The following ADAMTS12 variants were observed in gnomAD, a reference collection of about 807,000 sequenced individuals.
ADAMTS12 encodes the protein ADAM metallopeptidase with thrombospondin type 1 motif 12.
A neutral mutation model predicts 167.8 loss-of-function variants in ADAMTS12; 118 were observed. That is an observed-to-expected ratio of 0.70 (90% confidence interval 0.61 to 0.82). The LOEUF (loss-of-function observed/expected upper bound fraction) is 0.82. ADAMTS12 is among the 40% of genes least tolerant of loss of function. The pLI, the probability that ADAMTS12 is intolerant of heterozygous loss-of-function variation, is 0.00. For missense variants in ADAMTS12, 1,916 were observed against 1,998.8 expected, an observed-to-expected ratio of 0.96 and a Z score of 0.79; for synonymous variants, 704 against 716.9, an observed-to-expected ratio of 0.98 and a Z score of 0.29.
intron 2 of ADAMTS12, among the ~76,000 whole-genome samples, chr5:33,812,835 CT>C (rs1481031951): frequency 2.0e-5 from 3 of 152,134 alleles, no homozygotes; most frequent in African/African-American, 7.2e-5. Flanking sequence ...CATGAGCTCT[CT>C]TGTACATACT....
chr5:33,824,063 A>T (rs1288223681), intron 2 of ADAMTS12, among the ~76,000 whole-genome samples: 2 of 152,208 alleles, frequency 1.3e-5, no homozygotes, highest in Non-Finnish European at 2.9e-5. Flanking sequence ...AAATTGTTAA[A>T]GAGTCCCAAG....
At chr5:33,832,680 G>A (rs944234787) in intron 2 of ADAMTS12, among the ~76,000 whole-genome samples, 7 of 152,120 alleles carry the variant, frequency 4.6e-5, no homozygotes, top group Admixed American at 2.0e-4. Context: ...CCCTTGATGC[G>A]GCTTGGTTTG....
chr5:33,597,073 C>A (rs1737926805), intron 16 of ADAMTS12, among the ~76,000 whole-genome samples: 2 of 152,086 alleles, frequency 1.3e-5, no homozygotes, highest in Admixed American at 1.3e-4. Context: ...TCTCAACAAC[C>A]CAATGAAATC....
intron 22 of ADAMTS12, among the ~76,000 whole-genome samples, chr5:33,537,898 A>G (rs1744496352): frequency 6.6e-6 from 1 of 152,216 alleles, no homozygotes; most frequent in African/African-American, 2.4e-5. Context: ...TATAATTATA[A>G]CCATCAAAAC....
chr5:33,649,644 T>C lies in ADAMTS12; in HGVS notation c.1244A>G (p.His415Arg). 4.3e-6 allele frequency: 7 copies of C among 1,614,058 alleles called. No individual in the cohort carries two copies. The highest frequency in any genetic ancestry group is 5.9e-6 in the Non-Finnish European group (7 of 1,179,928). The change falls in exon 8 of 24, where the codon CAT becomes CGT. Residue 415 changes from histidine to arginine, a missense_variant. Physicochemically the swap from His to Arg is conservative, Grantham distance 29. Transcript: ENST00000504830. ...KENDCEPVGRHPYIMSRQLQY... is the reference protein window; with the variant it reads ...KENDCEPVGRRPYIMSRQLQY... The stretch of plus-strand genomic sequence containing the variant: ...GAGCTGGCGGGACATGATGTACGGA[T>C]GTCTGCCCACAGGCTCACAGTCATT...
intron 2 of ADAMTS12, among the ~76,000 whole-genome samples, chr5:33,784,777 T>C (rs916956308): frequency 2.0e-5 from 3 of 152,068 alleles, no homozygotes; most frequent in Non-Finnish European, 4.4e-5. Context: ...CTATATATTC[T>C]ATATACTGAA....
In ADAMTS12 at chr5:33,575,625, C is replaced by T. The variant is rs78117227; in HGVS notation, c.3972+429G>A. Among the ~76,000 whole-genome samples the T allele has an allele frequency of 1.4e-4, 22 of 152,300 alleles. No homozygotes were observed. The East Asian group carries it at 4.2e-3, about 29-fold the overall frequency. On this transcript the variant is annotated intron_variant, in intron 19 of 23. Coordinates refer to ENST00000504830, the MANE Select transcript of ADAMTS12 (RefSeq NM_030955.4). ...ACAGTTGGCACTTGAACATAGACCACCCAGGGGTCTTCACTGGTCAGTTTA... is the reference window on the plus strand; with the variant it reads ...ACAGTTGGCACTTGAACATAGACCATCCAGGGGTCTTCACTGGTCAGTTTA...
At chr5:33,739,180 T>A (rs905019378) in intron 3 of ADAMTS12, among the ~76,000 whole-genome samples, 10 of 152,150 alleles carry the variant, frequency 6.6e-5, no homozygotes, top group African/African-American at 2.4e-4. Context: ...CATCTTTACA[T>A]CCTGGAGCTG....
At chr5:33,672,585 A>G (rs904781503) in intron 5 of ADAMTS12, among the ~76,000 whole-genome samples, 1 of 152,172 alleles carries the variant, frequency 6.6e-6, no homozygotes, top group Non-Finnish European at 1.5e-5. Flanking sequence ...GAAAAGCTCT[A>G]CCTTTCAATA....
At chr5:33,568,442 T>C (rs1746125406) in intron 19 of ADAMTS12, among the ~76,000 whole-genome samples, 1 of 152,216 alleles carries the variant, frequency 6.6e-6, no homozygotes, top group African/African-American at 2.4e-5. Context: ...TATAAAAGAA[T>C]TTTATATAGT....
chr5:33,550,532 A>G (rs1468088594), intron 20 of ADAMTS12, among the ~76,000 whole-genome samples: 1 of 151,896 alleles, frequency 6.6e-6, no homozygotes, highest in Non-Finnish European at 1.5e-5. Flanking sequence ...GGTTAATACA[A>G]TGTCCTTGGG....
At chr5:33,779,148 A>G (rs1371843256) in intron 2 of ADAMTS12, among the ~76,000 whole-genome samples, 1 of 151,250 alleles carries the variant, frequency 6.6e-6, no homozygotes. Context: ...CATCAATCTC[A>G]CTTCTGGGTA....
chr5:33,879,950 T>G (rs1580014201), intron 2 of ADAMTS12, among the ~76,000 whole-genome samples: 2 of 152,214 alleles, frequency 1.3e-5, no homozygotes, highest in Non-Finnish European at 2.9e-5. Context: ...AAACCAGCCC[T>G]GGCACAGGGA....
intron 2 of ADAMTS12, among the ~76,000 whole-genome samples, chr5:33,798,234 C>A (rs556624392): frequency 1.3e-5 from 2 of 150,986 alleles, no homozygotes; most frequent in African/African-American, 2.4e-5. Context: ...TCTTTTAGGG[C>A]TGCCATAATA....
At chr5:33,641,983 C>T (rs745420559) in intron 10 of ADAMTS12, 28 bp from the exon 11 acceptor site, 27 of 1,584,100 alleles carry the variant, frequency 1.7e-5, no homozygotes, top group African/African-American at 8.1e-5. Flanking sequence ...AGGAGATGGC[C>T]GTATCAGGAA....
chr5:33,837,604 G>A (rs1327578253), intron 2 of ADAMTS12, among the ~76,000 whole-genome samples: 1 of 152,146 alleles, frequency 6.6e-6, no homozygotes, highest in Non-Finnish European at 1.5e-5. Context: ...GGGTTTAAGA[G>A]CACTTCCCAC....
intron 3 of ADAMTS12, 100 bp downstream of exon 3, chr5:33,751,304 G>A (rs776238063): frequency 2.1e-6 from 3 of 1,430,348 alleles, no homozygotes; most frequent in Non-Finnish European, 2.9e-6. Context: ...AGAATACAGA[G>A]GAGATAAGAG....
chr5:33,578,223 G>A (rs1172083664), intron 18 of ADAMTS12, among the ~76,000 whole-genome samples: 1 of 152,090 alleles, frequency 6.6e-6, no homozygotes, highest in Non-Finnish European at 1.5e-5. Context: ...TTAAGGATGG[G>A]GACTGCATAA....
In ADAMTS12 at chr5:33,758,725, G is replaced by C. The variant is rs191437269; in HGVS notation, c.490-7177C>G. Among the ~76,000 whole-genome samples, 6 of 152,240 alleles carry C rather than the reference G, an allele frequency of 3.9e-5. No individual in the cohort carries two copies. The East Asian group carries it at 1.2e-3, about 29-fold the overall frequency. On this transcript the variant is annotated intron_variant, in intron 2 of 23. Transcript: ENST00000504830. ...GAATTGCTCATTAGTAGTTGTCATG[G>C]GGGTTTGTCAGACTCAGGTGATACA...
Sources: gnomAD v4.1 joint callset for allele counts (sites outside exome capture counted in the v4.1 genomes callset) on GRCh38, gnomAD v4.1.1 for gene constraint, MANE v1.5 for transcripts, NCBI Gene and HGNC (gene_info 2026-07-23, HGNC 2026-07-21) for gene names.